The following SNX18 variants were observed in gnomAD, a reference collection of about 807,000 sequenced individuals.
The protein encoded by SNX18 is sorting nexin 18, also known as sorting nexin-18.
Under a neutral mutation model 48.7 loss-of-function variants are expected in SNX18, and 35 were observed. The ratio of observed to expected loss-of-function variants is 0.72; its 90% CI spans 0.55 to 0.95. The LOEUF is 0.95. Ranked by LOEUF, SNX18 falls within the 40% of genes least tolerant of loss-of-function variation. The pLI is 0.00. For synonymous variants in SNX18, 492 were observed against 384.7 expected, an observed-to-expected ratio of 1.28 and a Z score of -3.26; for missense variants, 824 against 871.0, an observed-to-expected ratio of 0.95 and a Z score of 0.68.
the SNX18 span, among the ~76,000 whole-genome samples, chr5:54,601,859 G>A: frequency 6.7e-6 from 1 of 148,872 alleles, no homozygotes; most frequent in Non-Finnish European, 1.5e-5. Flanking sequence ...CACATGATCG[G>A]GAAAAAAATT....
intron 1 of SNX18, among the ~76,000 whole-genome samples, chr5:54,539,913 C>T (rs900645941): frequency 2.0e-5 from 3 of 151,554 alleles, no homozygotes; most frequent in African/African-American, 7.3e-5. Context: ...CTCTTGTTGC[C>T]CGGGCTGGAG....
the SNX18 span, among the ~76,000 whole-genome samples, chr5:54,611,779 A>G: frequency 6.4e-4 from 97 of 152,212 alleles, no homozygotes; most frequent in African/African-American, 2.1e-3. Flanking sequence ...TGGGGAAGCA[A>G]CTTGACTGGT....
At chr5:54,626,568 T>G in the SNX18 span, among the ~76,000 whole-genome samples, 1 of 152,246 alleles carries the variant, frequency 6.6e-6, no homozygotes, top group South Asian at 2.1e-4. Flanking sequence ...GGATGAACTT[T>G]GGTTTGGAAG....
chr5:54,559,479 C>G, the SNX18 span, among the ~76,000 whole-genome samples: 2 of 152,172 alleles, frequency 1.3e-5, no homozygotes, highest in South Asian at 2.1e-4. Flanking sequence ...GGGGAAAAGA[C>G]TCCCTATTCA....
chr5:54,601,349 CAT>C, the SNX18 span, among the ~76,000 whole-genome samples: 1 of 152,178 alleles, frequency 6.6e-6, no homozygotes, highest in Non-Finnish European at 1.5e-5. Context: ...TCATGGGACT[CAT>C]ATGAATTGGC....
chr5:54,591,427 AC>A, the SNX18 span, among the ~76,000 whole-genome samples: 2 of 152,118 alleles, frequency 1.3e-5, no homozygotes, highest in African/African-American at 4.8e-5. Flanking sequence ...CTTGGCCCAA[AC>A]AATCCTCCTG....
chr5:54,626,033 C>T, the SNX18 span, among the ~76,000 whole-genome samples: 11 of 152,276 alleles, frequency 7.2e-5, no homozygotes, highest in South Asian at 2.1e-3. Context: ...TAGAGCCAGG[C>T]CTATCCCTAG....
intron 1 of SNX18, among the ~76,000 whole-genome samples, chr5:54,536,311 A>G (rs141274452): frequency 0.058 from 8,859 of 151,896 alleles, 357 homozygotes; most frequent in Middle Eastern, 0.11. Flanking sequence ...TACATGCGCC[A>G]TGTTGGTGTG....
intron 1 of SNX18, among the ~76,000 whole-genome samples, chr5:54,538,440 A>AT (rs958515985): frequency 7.8e-5 from 9 of 115,212 alleles, no homozygotes; most frequent in Admixed American, 3.4e-4. Context: ...AAGATGTCAT[A>AT]TTTTTTTTTC....
chr5:54,620,474 G>A, the SNX18 span, among the ~76,000 whole-genome samples: 3 of 152,138 alleles, frequency 2.0e-5, no homozygotes, highest in South Asian at 4.1e-4. Flanking sequence ...TTCTCTGCAC[G>A]GCCTCCCACT....
At chr5:54,588,606 C>T in the SNX18 span, among the ~76,000 whole-genome samples, 1 of 152,070 alleles carries the variant, frequency 6.6e-6, no homozygotes, top group Non-Finnish European at 1.5e-5. Context: ...GGATTACAGG[C>T]GTGAGCCACC....
chr5:54,578,983 T>C, the SNX18 span, among the ~76,000 whole-genome samples: 9 of 152,322 alleles, frequency 5.9e-5, no homozygotes, highest in Non-Finnish European at 1.2e-4. Flanking sequence ...CACTGAAGTA[T>C]TGGCTAATTA....
the SNX18 span, among the ~76,000 whole-genome samples, chr5:54,610,196 C>T: frequency 3.3e-5 from 5 of 152,186 alleles, no homozygotes; most frequent in Non-Finnish European, 7.4e-5. Context: ...AATGCAAGAA[C>T]AGACTAACAC....
chr5:54,579,153 C>G, the SNX18 span, among the ~76,000 whole-genome samples: 1 of 151,928 alleles, frequency 6.6e-6, no homozygotes. Flanking sequence ...CCAGCCTGGG[C>G]AACATGGCGA....
chr5:54,605,377 G>C, the SNX18 span, among the ~76,000 whole-genome samples: 2 of 152,016 alleles, frequency 1.3e-5, no homozygotes, highest in African/African-American at 4.8e-5. Context: ...TTTAAAAAAA[G>C]CAATATTTAA....
At chr5:54,617,852 C>T in the SNX18 span, among the ~76,000 whole-genome samples, 22 of 152,150 alleles carry the variant, frequency 1.4e-4, no homozygotes, top group African/African-American at 5.1e-4. Context: ...AATTAGCCAC[C>T]ATGCTCATTC....
the SNX18 span, among the ~76,000 whole-genome samples, chr5:54,634,818 T>C: frequency 6.6e-6 from 1 of 152,164 alleles, no homozygotes; most frequent in South Asian, 2.1e-4. Flanking sequence ...TTTTGGAATG[T>C]TTTTAAAAAT....
the SNX18 span, among the ~76,000 whole-genome samples, chr5:54,647,796 C>T: frequency 2.2e-4 from 34 of 152,084 alleles, no homozygotes; most frequent in Non-Finnish European, 3.7e-4. Context: ...AGGCTTGAAA[C>T]TTCAACGGGC....
chr5:54,548,025 G>A (rs1762600944), downstream of SNX18, among the ~76,000 whole-genome samples: 1 of 152,172 alleles, frequency 6.6e-6, no homozygotes, highest in South Asian at 2.1e-4. Flanking sequence ...GAAAAACCCA[G>A]CAGTGGAAGC....
Sources: gnomAD v4.1 joint callset for allele counts (sites outside exome capture counted in the v4.1 genomes callset) on GRCh38, gnomAD v4.1.1 for gene constraint, MANE v1.5 for transcripts, NCBI Gene and HGNC (gene_info 2026-07-23, HGNC 2026-07-21) for gene names.